Variants in CELF1 observed in about 807,000 individuals in gnomAD.
The protein encoded by CELF1 is CUGBP Elav-like family member 1.
In CELF1, 10 loss-of-function variants were observed where a neutral mutation model predicts 61.8. The ratio of observed to expected loss-of-function variants is 0.16; its 90% CI spans 0.10 to 0.27. The LOEUF (loss-of-function observed/expected upper bound fraction) is 0.27. CELF1 is among the 10% of genes least tolerant of loss of function. The pLI is 1.00. For missense variants in CELF1, 380 were observed against 639.1 expected, an observed-to-expected ratio of 0.59 and a Z score of 4.37; for synonymous variants, 236 against 225.1, an observed-to-expected ratio of 1.05 and a Z score of -0.43.
intron 1 of CELF1, among the ~76,000 whole-genome samples, chr11:47,535,889 A>G (rs1228544386): frequency 6.6e-6 from 1 of 151,382 alleles, no homozygotes; most frequent in East Asian, 2.0e-4. Context: ...CAGCCTCCCA[A>G]GTAGCTGGGA....
Position 47,475,332 on chromosome 11 carries a change from T to G in CELF1, c.1273+4A>C. The G allele has an allele frequency of 1.2e-6, 2 of 1,613,330 alleles. No homozygotes were observed. Among genetic ancestry groups the G allele is most frequent in the Non-Finnish European group, 1.7e-6 (2 of 1,179,968 alleles). On this transcript the variant is annotated splice_donor_region_variant and intron_variant, in intron 13 of 14. Transcript: ENST00000687097. ...ACCTGACCCCGATCTCCCTTTGCACTCACCTTCCTTCTGGCTTCCAGCAGC... is the reference window on the plus strand; with the variant it reads ...ACCTGACCCCGATCTCCCTTTGCACGCACCTTCCTTCTGGCTTCCAGCAGC...
chr11:47,538,428 G>C (rs1315511084), intron 1 of CELF1, among the ~76,000 whole-genome samples: 2 of 152,188 alleles, frequency 1.3e-5, no homozygotes, highest in Middle Eastern at 3.4e-3. Context: ...CAGATCACGA[G>C]GTCAGTAGAT....
upstream of CELF1, among the ~76,000 whole-genome samples, chr11:47,554,604 A>C (rs2097198426): frequency 6.7e-6 from 1 of 150,250 alleles, no homozygotes; most frequent in African/African-American, 2.4e-5. Flanking sequence ...ACACACACAC[A>C]CCCATGCTTT....
chr11:47,477,969 T>C (rs1327440974), intron 10 of CELF1, among the ~76,000 whole-genome samples: 1 of 151,298 alleles, frequency 6.6e-6, no homozygotes, highest in East Asian at 1.9e-4. Context: ...AATCACTGAG[T>C]GAAAGACTTC....
chr11:47,542,773 A>T (rs1345471708), intron 1 of CELF1, among the ~76,000 whole-genome samples: 4 of 152,078 alleles, frequency 2.6e-5, no homozygotes, highest in African/African-American at 9.7e-5. Flanking sequence ...GCTGGGATTA[A>T]AGGCGTGAGC....
intron 1 of CELF1, among the ~76,000 whole-genome samples, chr11:47,530,970 GGCGT>G (rs1236425402): frequency 6.6e-6 from 1 of 152,040 alleles, no homozygotes; most frequent in East Asian, 1.9e-4. Flanking sequence ...CAAAAAGCCC[GGCGT>G]GGTAGCTCAT....
chr11:47,542,352 G>C (rs1440094228), intron 1 of CELF1, among the ~76,000 whole-genome samples: 1 of 152,042 alleles, frequency 6.6e-6, no homozygotes, highest in Non-Finnish European at 1.5e-5. Flanking sequence ...TGGGCAACAA[G>C]AGTGAAACTC....
intron 5 of CELF1, 35 bp from the exon 6 acceptor site, chr11:47,486,833 A>G: frequency 6.7e-7 from 1 of 1,485,972 alleles, no homozygotes; most frequent in Non-Finnish European, 9.4e-7. Context: ...ATCACTGTAT[A>G]TATTGATGGT....
chr11:47,515,919 CTTAT>C (rs111489300), intron 1 of CELF1, among the ~76,000 whole-genome samples: 6 of 152,032 alleles, frequency 3.9e-5, no homozygotes, highest in African/African-American at 1.2e-4. Context: ...TTATTATTTA[CTTAT>C]TTATTTTTTT....
chr11:47,489,582 C>T (rs1285308538), intron 3 of CELF1, among the ~76,000 whole-genome samples: 3 of 152,146 alleles, frequency 2.0e-5, no homozygotes, highest in East Asian at 3.8e-4. Flanking sequence ...TCATAATGCT[C>T]GAGTTAGGTC....
intron 1 of CELF1, among the ~76,000 whole-genome samples, chr11:47,507,328 G>C (rs1487789677): frequency 1.3e-5 from 2 of 152,068 alleles, no homozygotes; most frequent in African/African-American, 4.8e-5. Flanking sequence ...TTCATGTGGA[G>C]AGACCACACT....
At chr11:47,482,906 GA>G (rs761449606) in intron 8 of CELF1, 50 bp from the exon 9 acceptor site, 1 of 1,550,484 alleles carries the variant, frequency 6.4e-7, no homozygotes, top group Admixed American at 2.0e-5. Flanking sequence ...CTGAAAAGAA[GA>G]AAAAAAATCT....
At chr11:47,503,850 T>C (rs1340064827) in intron 1 of CELF1, among the ~76,000 whole-genome samples, 1 of 152,224 alleles carries the variant, frequency 6.6e-6, no homozygotes, top group Non-Finnish European at 1.5e-5. Context: ...GTGGAAGATT[T>C]CTGTTATTGT....
chr11:47,534,657 G>A (rs1164076255), intron 1 of CELF1, among the ~76,000 whole-genome samples: 2 of 152,144 alleles, frequency 1.3e-5, no homozygotes, highest in African/African-American at 4.8e-5. Context: ...GAACCCAGGA[G>A]GTGGAGCTTG....
chr11:47,525,629 G>C (rs1018763920), intron 1 of CELF1, among the ~76,000 whole-genome samples: 2 of 152,040 alleles, frequency 1.3e-5, no homozygotes, highest in African/African-American at 2.4e-5. Flanking sequence ...GTATTTATTC[G>C]GTATCATAGG....
At chr11:47,534,783 A>C (rs898847421) in intron 1 of CELF1, among the ~76,000 whole-genome samples, 3 of 152,182 alleles carry the variant, frequency 2.0e-5, no homozygotes, top group African/African-American at 7.2e-5. Context: ...TCAATCTCCA[A>C]GTATGCCTCC....
At chr11:47,484,827 C>T (rs568405519) in intron 6 of CELF1, among the ~76,000 whole-genome samples, 5 of 152,216 alleles carry the variant, frequency 3.3e-5, no homozygotes, top group Admixed American at 6.5e-5. Flanking sequence ...TACAGGCATG[C>T]GCCAAAATGC....
At chr11:47,486,688 G>A (rs1188590066) in intron 6 of CELF1, 62 bp downstream of exon 6, 4 of 1,344,228 alleles carry the variant, frequency 3.0e-6, no homozygotes, top group Non-Finnish European at 4.3e-6. Flanking sequence ...GATTACAGGT[G>A]TGAGCCACCG....
At chr11:47,530,247 A>G (rs1157715782) in intron 1 of CELF1, among the ~76,000 whole-genome samples, 1 of 152,204 alleles carries the variant, frequency 6.6e-6, no homozygotes, top group Non-Finnish European at 1.5e-5. Flanking sequence ...TAATAGAGTC[A>G]ACTATGCAGA....
Sources: gnomAD v4.1 joint callset for allele counts (sites outside exome capture counted in the v4.1 genomes callset) on GRCh38, gnomAD v4.1.1 for gene constraint, MANE v1.5 for transcripts, NCBI Gene and HGNC (gene_info 2026-07-23, HGNC 2026-07-21) for gene names.